MTMR7: variants seen among roughly 807,000 people sequenced by gnomAD.
MTMR7 encodes the protein phosphatidylinositol-3-phosphate phosphatase MTMR7.
A neutral mutation model predicts 81.2 loss-of-function variants in MTMR7; 76 were observed. That is an observed-to-expected ratio of 0.94 (90% CI 0.78 to 1.13). MTMR7 has a LOEUF of 1.13. Ranked by LOEUF, MTMR7 falls within the 50% of genes most tolerant of loss-of-function variation. The pLI is 0.00. For synonymous variants in MTMR7, 372 were observed against 289.8 expected (o/e 1.28, Z -2.88); for missense variants, 1,044 against 820.0 (o/e 1.27, Z -3.34).
At chr8:17,326,228 C>G (rs1305230588) in intron 7 of MTMR7, 1 of 152,156 alleles carries the variant, frequency 6.6e-6, no homozygotes, top group African/African-American at 2.4e-5. Flanking sequence ...AATGGTGGTT[C>G]TACCACTTAC....
At chr8:17,314,975 G>C (rs1467269420) in intron 7 of MTMR7, among the ~76,000 whole-genome samples, 1 of 152,168 alleles carries the variant, frequency 6.6e-6, no homozygotes, top group African/African-American at 2.4e-5. Flanking sequence ...CTTAGTGGAA[G>C]GCCAGTGAAA....
chr8:17,300,393 T>C (rs1817037261), intron 13 of MTMR7, 169 bp from the exon 14 acceptor site: 2 of 664,232 alleles, frequency 3.0e-6, no homozygotes, highest in Admixed American at 3.0e-5. Flanking sequence ...ACAAAATCTG[T>C]GAGGCCTGCT....
intron 1 of MTMR7, among the ~76,000 whole-genome samples, chr8:17,405,032 A>G (rs796135817): frequency 3.3e-5 from 5 of 152,356 alleles, no homozygotes; most frequent in African/African-American, 1.2e-4. Flanking sequence ...TTTGTAAATT[A>G]GTAGAGACAG....
intron 1 of MTMR7, among the ~76,000 whole-genome samples, chr8:17,387,892 G>C (rs1192251198): frequency 1.3e-5 from 2 of 152,134 alleles, no homozygotes; most frequent in Non-Finnish European, 2.9e-5. Context: ...TTATAAATGG[G>C]CAGGTTGTTG....
chr8:17,308,862 T>G (rs1298249115), intron 10 of MTMR7, among the ~76,000 whole-genome samples: 1 of 152,200 alleles, frequency 6.6e-6, no homozygotes. Context: ...TGGGACAAAC[T>G]GCACTCCGAT....
chr8:17,361,428 A>G (rs1340909735), intron 3 of MTMR7, among the ~76,000 whole-genome samples, 154 bp from the exon 4 acceptor site: 1 of 152,188 alleles, frequency 6.6e-6, no homozygotes, highest in Non-Finnish European at 1.5e-5. Flanking sequence ...TGCAGTGGAT[A>G]GGGTCCCCCA....
chr8:17,360,475 G>T (rs1820024270), intron 4 of MTMR7, among the ~76,000 whole-genome samples: 1 of 146,010 alleles, frequency 6.8e-6, no homozygotes, highest in African/African-American at 2.7e-5. Context: ...TGGTGGGTTT[G>T]GGGTTTTTTT....
At chr8:17,369,508 CAAAGTA>C (rs1820341216) in intron 3 of MTMR7, among the ~76,000 whole-genome samples, 1 of 152,178 alleles carries the variant, frequency 6.6e-6, no homozygotes, top group South Asian at 2.1e-4. Flanking sequence ...AAGCATTTGG[CAAAGTA>C]ATTATCAGCA....
intron 1 of MTMR7, among the ~76,000 whole-genome samples, chr8:17,375,480 G>GTTTTTTTTTTT (rs372246791): frequency 2.9e-5 from 4 of 136,642 alleles, no homozygotes; most frequent in African/African-American, 1.1e-4. Flanking sequence ...ACTAGCTTAT[G>GTTTTTTTTTTT]TTTTTTTTTT....
At chr8:17,339,127 G>A (rs1263522741) in intron 6 of MTMR7, 2 of 152,170 alleles carry the variant, frequency 1.3e-5, no homozygotes, top group Non-Finnish European at 2.9e-5. Flanking sequence ...TGATTTCTGG[G>A]ATCACCAATG....
At chr8:17,312,469 G>C (rs1401298699) in intron 8 of MTMR7, among the ~76,000 whole-genome samples, 1 of 151,250 alleles carries the variant, frequency 6.6e-6, no homozygotes, top group East Asian at 2.0e-4. Context: ...CAGCTACTTG[G>C]GAGGCTGAGA....
intron 1 of MTMR7, among the ~76,000 whole-genome samples, chr8:17,401,327 A>C (rs1821423908): frequency 6.6e-6 from 1 of 152,084 alleles, no homozygotes. Flanking sequence ...AGGCACAGGA[A>C]ACATCTCGTG....
intron 8 of MTMR7, among the ~76,000 whole-genome samples, chr8:17,312,933 G>T (rs1217866649): frequency 6.6e-6 from 1 of 152,190 alleles, no homozygotes; most frequent in Non-Finnish European, 1.5e-5. Flanking sequence ...TTTTGCTTAT[G>T]CCATGACTAA....
At chr8:17,309,192 C>T (rs751569550) in intron 10 of MTMR7, 85 bp downstream of exon 10, 47 of 933,744 alleles carry the variant, frequency 5.0e-5, no homozygotes, top group Middle Eastern at 2.6e-4. Flanking sequence ...AAAAACAAGA[C>T]GATTTTCCCC....
At chr8:17,303,610 C>T (rs1229861575) in intron 12 of MTMR7, among the ~76,000 whole-genome samples, 1 of 141,184 alleles carries the variant, frequency 7.1e-6, no homozygotes, top group Non-Finnish European at 1.5e-5. Flanking sequence ...TACATACAAT[C>T]TTTTTTTTTT....
In MTMR7 at chr8:17,299,796, C is replaced by T. The variant is rs1816984584; in HGVS notation, c.*66G>A. 1 of 1,581,146 alleles carries T rather than the reference C, an allele frequency of 6.3e-7. No individual in the cohort carries two copies. ...CATTTCCTGTTTTTACAATAAACCA[C>T]CTTGTTCCCTTGTTTTTGGAAGTGT... is the stretch of plus-strand genomic sequence containing the variant. On this transcript the variant is annotated 3_prime_UTR_variant, in exon 14 of 14. Coordinates refer to ENST00000180173, the MANE Select transcript of MTMR7 (RefSeq NM_004686.5).
chr8:17,367,873 T>C (rs957609819), intron 3 of MTMR7, among the ~76,000 whole-genome samples: 1 of 151,838 alleles, frequency 6.6e-6, no homozygotes, highest in Non-Finnish European at 1.5e-5. Flanking sequence ...TTGGGGTTTT[T>C]TTTTTTTTTT....
rs192888656 is a variant in MTMR7 at position 17,298,546 on chromosome 8, A to T, written c.*1316T>A. 320 of 152,470 alleles carry T rather than the reference A, an allele frequency of 2.1e-3. 1 individual carries two copies. Among genetic ancestry groups the T allele is most frequent in the Non-Finnish European group, 2.3e-3 (154 of 67,904 alleles). 9.4% of individuals were successfully genotyped at this position (152,470 alleles called of 1,614,324 possible). A position where few individuals can be genotyped will look rare whatever the true frequency, so the allele number is the denominator to read the frequency against. On this transcript the variant is annotated 3_prime_UTR_variant, in exon 14 of 14. Coordinates refer to ENST00000180173, the MANE Select transcript of MTMR7 (RefSeq NM_004686.5). Reference sequence around the variant, plus strand: ...AGCGAAATGTAATAATTCTCCCATTAAAAAAAATCAGATATTCAAAATATT... The same window carrying T: ...AGCGAAATGTAATAATTCTCCCATTTAAAAAAATCAGATATTCAAAATATT...
chr8:17,354,394 G>C (rs997506154), intron 4 of MTMR7, among the ~76,000 whole-genome samples: 2 of 152,052 alleles, frequency 1.3e-5, no homozygotes, highest in African/African-American at 4.8e-5. Flanking sequence ...CTTTAACCTA[G>C]CAATGAATAC....
Sources: allele counts gnomAD v4.1 joint callset (sites outside exome capture counted in the v4.1 genomes callset), GRCh38; gene constraint gnomAD v4.1.1; transcripts MANE v1.5; gene names NCBI Gene and HGNC (gene_info 2026-07-23, HGNC 2026-07-21).